SMG6: variants seen among roughly 807,000 people sequenced by gnomAD.
SMG6 encodes the protein telomerase-binding protein EST1A.
Under a neutral mutation model 142.2 loss-of-function variants are expected in SMG6, and 66 were observed. The observed-to-expected ratio is 0.46, with a 90% CI of 0.38 to 0.57. The LOEUF is 0.57. SMG6 is among the 20% of genes least tolerant of loss of function. The pLI is 0.00. For missense variants in SMG6, 1,793 were observed against 1,832.0 expected, an observed-to-expected ratio of 0.98 and a Z score of 0.39; for synonymous variants, 779 against 702.4, an observed-to-expected ratio of 1.11 and a Z score of -1.72.
chr17:2,120,714 C>T (rs77875220), intron 13 of SMG6, among the ~76,000 whole-genome samples: 1 of 152,020 alleles, frequency 6.6e-6, no homozygotes, highest in African/African-American at 2.4e-5. Context: ...TAGAGCAAGA[C>T]CCTGTCTGAA....
chr17:2,096,912 T>C (rs999295576), intron 13 of SMG6, among the ~76,000 whole-genome samples: 4 of 152,208 alleles, frequency 2.6e-5, no homozygotes, highest in African/African-American at 9.6e-5. Context: ...TTCATTCATC[T>C]TCTCTGACTC....
intron 13 of SMG6, among the ~76,000 whole-genome samples, chr17:2,099,902 G>A (rs969353380): frequency 2.0e-5 from 3 of 152,264 alleles, no homozygotes; most frequent in Admixed American, 1.3e-4. Context: ...TCACTCTGTC[G>A]CCCAGGCTGG....
chr17:2,152,886 ACAG>A (rs2070870616), intron 13 of SMG6, among the ~76,000 whole-genome samples: 1 of 152,276 alleles, frequency 6.6e-6, no homozygotes, highest in Non-Finnish European at 1.5e-5. Flanking sequence ...ACAAATGTTT[ACAG>A]CAGTTCTATC....
chr17:2,173,598 A>G (rs1006775337), intron 12 of SMG6, among the ~76,000 whole-genome samples: 2 of 152,162 alleles, frequency 1.3e-5, no homozygotes, highest in African/African-American at 4.8e-5. Flanking sequence ...TTTAGCACTG[A>G]AAGTCCCACG....
At chr17:2,184,954 C>T (rs2071930131) in intron 12 of SMG6, among the ~76,000 whole-genome samples, 1 of 80,946 alleles carries the variant, frequency 1.2e-5, no homozygotes, top group African/African-American at 4.7e-5. Flanking sequence ...GAGCGGGACT[C>T]CATCTCAAAA....
intron 13 of SMG6, among the ~76,000 whole-genome samples, chr17:2,129,275 A>G (rs2070020594): frequency 6.6e-6 from 1 of 152,212 alleles, no homozygotes; most frequent in African/African-American, 2.4e-5. Context: ...GTGAGCCATA[A>G]TCGCACCACT....
chr17:2,130,945 G>A (rs1243503937), intron 13 of SMG6, among the ~76,000 whole-genome samples: 1 of 152,060 alleles, frequency 6.6e-6, no homozygotes, highest in Non-Finnish European at 1.5e-5. Context: ...AGAGGTTGCA[G>A]TGAGCCGAGA....
chr17:2,269,895 G>A (rs961318228), intron 8 of SMG6, among the ~76,000 whole-genome samples: 6 of 152,322 alleles, frequency 3.9e-5, no homozygotes, highest in Non-Finnish European at 5.9e-5. Flanking sequence ...CAGGCATGGT[G>A]GCTCACGCCT....
chr17:2,069,423 C>T (rs564734415), intron 15 of SMG6, among the ~76,000 whole-genome samples: 3 of 150,210 alleles, frequency 2.0e-5, no homozygotes, highest in Non-Finnish European at 3.0e-5. Flanking sequence ...GCTGAAACCC[C>T]GTCTCTACAA....
intron 13 of SMG6, among the ~76,000 whole-genome samples, chr17:2,149,102 C>A (rs2070751110): frequency 1.3e-5 from 2 of 152,060 alleles, no homozygotes; most frequent in Admixed American, 1.3e-4. Flanking sequence ...ATAATCCCAG[C>A]ACTTTGGGAG....
In SMG6 at chr17:2,068,917, G is replaced by C. The variant is rs142848787; in HGVS notation, c.3696C>G (p.Asp1232Glu). Residue 1232 changes from aspartate (D) to glutamate (E), a missense_variant, in exon 16 of 19, where the codon GAC becomes GAG. Asp to Glu is a conservative substitution (Grantham distance 45). This residue lies in a region of SMG6 where 1,597 missense variants were observed against 1,584.6 expected (regional missense o/e 1.01). Coordinates refer to ENST00000263073, the MANE Select transcript of SMG6 (RefSeq NM_017575.5). The surrounding 1 kb of genome is among the most constrained non-coding windows in gnomAD (Gnocchi z 6.7). ...RQEKIQAVLEDHSQMRQMELE... is the reference protein window; with the variant it reads ...RQEKIQAVLEEHSQMRQMELE... ...GCTCCATCTGCCTCATCTGACTGTG[G>C]TCCTCCAGGACAGCCTATGGGGACA... 94 of 1,614,196 alleles carry C rather than the reference G, an allele frequency of 5.8e-5. No homozygotes were observed. The highest frequency in any genetic ancestry group is 5.8e-5 in the Non-Finnish European group (69 of 1,180,032).
intron 12 of SMG6, among the ~76,000 whole-genome samples, chr17:2,174,196 CAA>C (rs2071591927): frequency 6.6e-6 from 1 of 152,124 alleles, no homozygotes; most frequent in African/African-American, 2.4e-5. Context: ...GCCAGGAGTT[CAA>C]GACCAGCCTG....
At chr17:2,259,800 A>G (rs943380308) in intron 8 of SMG6, among the ~76,000 whole-genome samples, 22 of 152,232 alleles carry the variant, frequency 1.4e-4, no homozygotes, top group African/African-American at 5.3e-4. Context: ...CATACAGGAA[A>G]ACCCCTGAAT....
chr17:2,181,932 AG>A, intron 12 of SMG6, among the ~76,000 whole-genome samples: 1 of 152,334 alleles, frequency 6.6e-6, no homozygotes, highest in East Asian at 1.9e-4. Context: ...GGAGGGATGA[AG>A]GGAGACATGC....
At chr17:2,260,526 C>T (rs1400004844) in intron 8 of SMG6, among the ~76,000 whole-genome samples, 1 of 152,198 alleles carries the variant, frequency 6.6e-6, no homozygotes, top group Non-Finnish European at 1.5e-5. Context: ...TATCTTTGAT[C>T]CAATTCTTTA....
At chr17:2,280,579 T>C in intron 8 of SMG6, 1 of 985,264 alleles carries the variant, frequency 1.0e-6, no homozygotes, top group Non-Finnish European at 1.2e-6. Flanking sequence ...TGCAGATTTC[T>C]TCGAGGGCTG....
intron 13 of SMG6, chr17:2,088,729 T>C (rs997831322): frequency 1.0e-6 from 1 of 985,410 alleles, no homozygotes; most frequent in African/African-American, 1.7e-5. Context: ...CTGAGCTCTT[T>C]AGTAGATGGA....
chr17:2,280,845 G>A (rs1465716381), intron 8 of SMG6, among the ~76,000 whole-genome samples: 1 of 152,098 alleles, frequency 6.6e-6, no homozygotes, highest in Non-Finnish European at 1.5e-5. Context: ...ATCTTTGGGA[G>A]GCCACGGGAG....
intron 13 of SMG6, among the ~76,000 whole-genome samples, chr17:2,144,919 G>A (rs2070615230): frequency 6.6e-6 from 1 of 152,040 alleles, no homozygotes; most frequent in African/African-American, 2.4e-5. Flanking sequence ...CATAGTCCAA[G>A]CAGTTTTTAG....
Sources: allele counts gnomAD v4.1 joint callset (sites outside exome capture counted in the v4.1 genomes callset), GRCh38; gene constraint gnomAD v4.1.1; regional missense constraint gnomAD v4.1.1; non-coding constraint Gnocchi (gnomAD v3.1); transcripts MANE v1.5; gene names NCBI Gene and HGNC (gene_info 2026-07-23, HGNC 2026-07-21).